The following PCDH15 variants were observed in gnomAD, a reference collection of about 807,000 sequenced individuals.
The protein encoded by PCDH15 is protocadherin related 15, also known as protocadherin-15.
A neutral mutation model predicts 178.5 loss-of-function variants in PCDH15; 129 were observed. The ratio of observed to expected loss-of-function variants is 0.72; its 90% confidence interval spans 0.63 to 0.84. The LOEUF is 0.84. Ranked by LOEUF, PCDH15 falls within the 40% of genes least tolerant of loss-of-function variation. The probability of loss-of-function intolerance (pLI) is 0.00; values close to 1 mark genes in which losing one functional copy is unlikely to be tolerated. For synonymous variants in PCDH15, 800 were observed against 732.0 expected, an observed-to-expected ratio of 1.09 and a Z score of -1.50; for missense variants, 2,230 against 2,099.9, an observed-to-expected ratio of 1.06 and a Z score of -1.21.
chr10:53,814,741 G>A (rs143436278), intron 35 of PCDH15, among the ~76,000 whole-genome samples: 6 of 152,142 alleles, frequency 3.9e-5, no homozygotes, highest in East Asian at 1.9e-4. Context: ...CGAGGTGGGC[G>A]GATCACAAGG....
intron 26 of PCDH15, among the ~76,000 whole-genome samples, chr10:53,877,336 A>G (rs983957382): frequency 2.0e-5 from 3 of 152,150 alleles, no homozygotes; most frequent in Non-Finnish European, 4.4e-5. Flanking sequence ...ATTGTGCTCT[A>G]TTATATAGAC....
intron 2 of PCDH15, among the ~76,000 whole-genome samples, chr10:55,499,670 C>T (rs1589084799): frequency 6.6e-6 from 1 of 151,274 alleles, no homozygotes; most frequent in East Asian, 2.0e-4. Context: ...AGGAAAGTAG[C>T]CTAAAAAAAA....
At chr10:54,694,798 A>C (rs1263529231) in intron 1 of PCDH15, among the ~76,000 whole-genome samples, 1 of 152,086 alleles carries the variant, frequency 6.6e-6, no homozygotes, top group Non-Finnish European at 1.5e-5. Flanking sequence ...AATTAGGCCA[A>C]CTAATAATTG....
chr10:55,602,141 A>T lies in PCDH15; in HGVS notation c.-156+25484T>A, dbSNP rs1843097953. 2.0e-5 allele frequency among the ~76,000 whole-genome samples: 3 copies of T among 152,098 alleles called. No individual in the cohort carries two copies. In the South Asian group the frequency reaches 6.2e-4, roughly 32 times the overall value. On this transcript the variant is annotated intron_variant, in intron 2 of 5. Coordinates refer to the PCDH15 transcript ENST00000613346. ...AAGGGGTGACAGACAGCACCTGGAA[A>T]ATCAGGTCACTCCCACCCGAATACT...
rs1433330567 is a variant in PCDH15, at chr10:55,051,916, T to TA, written c.-80+114659dup. ...CATTATGTTTCTGGCCTTGGGAAAATAGACTATTGCCTCACTCAGCCTGCT... is the reference window on the plus strand; with the variant it reads ...CATTATGTTTCTGGCCTTGGGAAAATAAGACTATTGCCTCACTCAGCCTGCT... On this transcript the variant is annotated intron_variant, in intron 2 of 5. Transcript: ENST00000458638. 2.0e-5 allele frequency among the ~76,000 whole-genome samples: 3 copies of TA among 152,020 alleles called. No individual in the cohort carries two copies. In the East Asian group the frequency reaches 5.8e-4, roughly 29 times the overall value.
chr10:54,572,198 T>C (rs1363219338), intron 2 of PCDH15, among the ~76,000 whole-genome samples: 1 of 152,158 alleles, frequency 6.6e-6, no homozygotes, highest in Non-Finnish European at 1.5e-5. Flanking sequence ...ATAACTTGAC[T>C]TTTATAACTA....
intron 2 of PCDH15, among the ~76,000 whole-genome samples, chr10:55,545,652 C>G (rs2132081386): frequency 6.6e-6 from 1 of 152,144 alleles, no homozygotes; most frequent in South Asian, 2.1e-4. Flanking sequence ...CTCAGGTGAT[C>G]CGCCCGCCTC....
At chr10:55,142,854 G>C (rs968346944) in intron 2 of PCDH15, among the ~76,000 whole-genome samples, 2 of 151,800 alleles carry the variant, frequency 1.3e-5, no homozygotes, top group African/African-American at 2.4e-5. Context: ...TTGAGAGATG[G>C]AGTGAAGAAA....
chr10:55,542,142 A>G (rs543694307), intron 2 of PCDH15, among the ~76,000 whole-genome samples: 5 of 151,434 alleles, frequency 3.3e-5, no homozygotes, highest in African/African-American at 1.2e-4. Context: ...TTATATATAT[A>G]TGTCTATATA....
At chr10:55,274,001 T>C (rs539705077) in intron 1 of PCDH15, among the ~76,000 whole-genome samples, 3 of 152,240 alleles carry the variant, frequency 2.0e-5, no homozygotes, top group African/African-American at 4.8e-5. Flanking sequence ...CATGTATGTA[T>C]GTATGTGTGT....
intron 35 of PCDH15, among the ~76,000 whole-genome samples, chr10:53,812,493 G>C (rs1294988063): frequency 1.3e-5 from 2 of 152,068 alleles, no homozygotes; most frequent in Admixed American, 1.3e-4. Flanking sequence ...GATTACAGGC[G>C]TGAGCCACTG....
intron 2 of PCDH15, chr10:54,641,005 G>C (rs1020688796): frequency 5.5e-6 from 1 of 182,298 alleles, no homozygotes; most frequent in Non-Finnish European, 1.2e-5. Context: ...TCAGGAGGCT[G>C]AGGCAGGAGA....
intron 15 of PCDH15, among the ~76,000 whole-genome samples, chr10:54,114,269 T>A (rs535862327): frequency 6.6e-6 from 1 of 152,320 alleles, no homozygotes; most frequent in African/African-American, 2.4e-5. Flanking sequence ...CAAGGCTACA[T>A]AACACTAAGT....
chr10:54,217,296 G>T (rs908463533), intron 9 of PCDH15, among the ~76,000 whole-genome samples: 1 of 151,980 alleles, frequency 6.6e-6, no homozygotes, highest in African/African-American at 2.4e-5. Flanking sequence ...CAAACAAAAA[G>T]AACTACCCCA....
At chr10:54,184,750 C>T (rs2048336096) in intron 12 of PCDH15, among the ~76,000 whole-genome samples, 1 of 151,818 alleles carries the variant, frequency 6.6e-6, no homozygotes, top group South Asian at 2.1e-4. Context: ...AAAATTTATT[C>T]CCTCTTGAGA....
At chr10:55,624,952 T>C (rs751702955) in intron 2 of PCDH15, among the ~76,000 whole-genome samples, 7 of 152,154 alleles carry the variant, frequency 4.6e-5, no homozygotes, top group Non-Finnish European at 8.8e-5. Flanking sequence ...TTTCTCTTTG[T>C]GTAATTTCGT....
chr10:53,939,132 C>T (rs2085833789), intron 24 of PCDH15, among the ~76,000 whole-genome samples, 177 bp from the exon 25 acceptor site: 1 of 152,114 alleles, frequency 6.6e-6, no homozygotes, highest in Non-Finnish European at 1.5e-5. Context: ...GAATGATCAA[C>T]ATCAATACTT....
chr10:54,440,065 A>T (rs2075702224), intron 3 of PCDH15, among the ~76,000 whole-genome samples: 1 of 152,010 alleles, frequency 6.6e-6, no homozygotes, highest in Non-Finnish European at 1.5e-5. Context: ...GGGGGGAAAA[A>T]AACTTCACAT....
intron 2 of PCDH15, among the ~76,000 whole-genome samples, chr10:55,052,766 T>C (rs1481075645): frequency 6.6e-6 from 1 of 151,958 alleles, no homozygotes; most frequent in Admixed American, 6.6e-5. Flanking sequence ...ATTAACAAAA[T>C]ATCCTAAGGT....
Sources: allele counts gnomAD v4.1 joint callset (sites outside exome capture counted in the v4.1 genomes callset), GRCh38; gene constraint gnomAD v4.1.1; transcripts MANE v1.5; gene names NCBI Gene and HGNC (gene_info 2026-07-23, HGNC 2026-07-21).